The following ADAMTS2 variants were observed in gnomAD, a reference collection of about 807,000 sequenced individuals.
The protein encoded by ADAMTS2 is A disintegrin and metalloproteinase with thrombospondin motifs 2.
ADAMTS2 carries 50 observed loss-of-function variants against 123.0 expected under a neutral mutation model. The observed-to-expected ratio is 0.41, with a 90% CI of 0.32 to 0.51. The LOEUF is 0.51. Ranked by LOEUF, ADAMTS2 falls within the 20% of genes least tolerant of loss-of-function variation. ADAMTS2 has a pLI of 0.35. For missense variants in ADAMTS2, 1,494 were observed against 1,705.2 expected (o/e 0.88, Z 2.18); for synonymous variants, 678 against 695.4 (o/e 0.98, Z 0.39).
At chr5:179,219,553 T>C (rs1352917403) in intron 3 of ADAMTS2, among the ~76,000 whole-genome samples, 1 of 152,212 alleles carries the variant, frequency 6.6e-6, no homozygotes, top group Non-Finnish European at 1.5e-5. Context: ...TTAAGGTCTA[T>C]GACCAGAAAA....
At chr5:179,151,170 A>G in intron 10 of ADAMTS2, 1 of 347,618 alleles carries the variant, frequency 2.9e-6, no homozygotes, top group Non-Finnish European at 6.0e-6. Flanking sequence ...GTGCTGGGAT[A>G]ACAGGCATGA....
At chr5:179,157,770 T>C (rs1430182177) in intron 6 of ADAMTS2, among the ~76,000 whole-genome samples, 1 of 152,258 alleles carries the variant, frequency 6.6e-6, no homozygotes, top group Admixed American at 6.5e-5. Context: ...GATAAGAGTC[T>C]CCTGCCCATT....
intron 2 of ADAMTS2, among the ~76,000 whole-genome samples, chr5:179,293,912 G>A (rs774464861): frequency 6.6e-6 from 1 of 151,906 alleles, no homozygotes; most frequent in African/African-American, 2.4e-5. Flanking sequence ...GTGAGCCACC[G>A]CACCTGGCCA....
rs768623482 is a variant in ADAMTS2, at chr5:179,154,883, C to T, written c.1169G>A (p.Arg390His). 5.6e-6 allele frequency: 9 copies of T among 1,613,674 alleles called. No individual in the cohort carries two copies. The highest frequency in any genetic ancestry group is 6.8e-6 in the Non-Finnish European group (8 of 1,179,924). The change falls in exon 7 of 22, where the codon CGC becomes CAC. Residue 390 changes from arginine (R) to histidine (H), a missense_variant. Transcript: ENST00000251582. Reference protein sequence around the residue: ...APVTGMCHPVRSCTLNHEDGF... With the variant: ...APVTGMCHPVHSCTLNHEDGF... The stretch of plus-strand genomic sequence containing the variant: ...GTCCTCATGGTTCAGGGTGCAGCTG[C>T]GGACCGGATGGCACATGCCGGTGAC...
At chr5:179,177,057 GTTT>G (rs1307153636) in intron 5 of ADAMTS2, among the ~76,000 whole-genome samples, 1 of 152,230 alleles carries the variant, frequency 6.6e-6, no homozygotes, top group African/African-American at 2.4e-5. Flanking sequence ...TGGTACAATT[GTTT>G]CCTTGTCTAG....
intron 2 of ADAMTS2, among the ~76,000 whole-genome samples, chr5:179,295,024 C>T (rs904710826): frequency 6.6e-6 from 1 of 152,180 alleles, no homozygotes; most frequent in Admixed American, 6.5e-5. Flanking sequence ...CCACTGGCCG[C>T]ATGGATCATT....
At position 179,260,566 on chromosome 5, in the gene ADAMTS2, G is replaced by A. The variant is rs984145485; in HGVS notation, c.688+12345C>T. ...GCCCAGGCTCTGAGCGGGGACAGGA[G>A]GGCACTGCACTGGGTGTCAGCAGCC... On this transcript the variant is annotated intron_variant, in intron 3 of 21. Transcript: ENST00000251582. This position sits in a 1 kb window ranked among gnomAD's most constrained non-coding sequence, Gnocchi z 4.2. 6.6e-6 allele frequency among the ~76,000 whole-genome samples: 1 copy of A among 152,136 alleles called. No homozygotes were observed. The highest frequency in any genetic ancestry group is 2.4e-5 in the African/African-American group (1 of 41,408).
At chr5:179,136,784 C>T (rs1223834358) in intron 12 of ADAMTS2, among the ~76,000 whole-genome samples, 1 of 150,968 alleles carries the variant, frequency 6.6e-6, no homozygotes, top group African/African-American at 2.4e-5. Flanking sequence ...TCCTGGCTAA[C>T]ATGGTGAAAC....
chr5:179,318,204 T>C (rs529699906), intron 2 of ADAMTS2, among the ~76,000 whole-genome samples: 2 of 152,350 alleles, frequency 1.3e-5, no homozygotes, highest in South Asian at 4.1e-4. Flanking sequence ...AAGGGTCATT[T>C]ATCTCAGAGC....
At chr5:179,316,938 C>CA (rs1465016899) in intron 2 of ADAMTS2, among the ~76,000 whole-genome samples, 1 of 149,996 alleles carries the variant, frequency 6.7e-6, no homozygotes, top group South Asian at 2.1e-4. Context: ...GACCCTGTCT[C>CA]AAAAAAAGGA....
At chr5:179,286,653 G>A (rs944729522) in intron 2 of ADAMTS2, among the ~76,000 whole-genome samples, 1 of 152,130 alleles carries the variant, frequency 6.6e-6, no homozygotes, top group African/African-American at 2.4e-5. Context: ...CAGGTAGACT[G>A]CCAGCACCCC....
At chr5:179,177,044 C>T (rs1306001880) in intron 5 of ADAMTS2, among the ~76,000 whole-genome samples, 3 of 152,218 alleles carry the variant, frequency 2.0e-5, no homozygotes, top group Non-Finnish European at 4.4e-5. Flanking sequence ...CAGCCCTGAG[C>T]CCTGGTACAA....
At chr5:179,212,148 G>A (rs652766) in intron 3 of ADAMTS2, among the ~76,000 whole-genome samples, 35,141 of 146,760 alleles carry the variant, frequency 0.24, 4,552 homozygotes, top group Admixed American at 0.26. Context: ...GACTGAGTCT[G>A]CAACCTCGGG....
At chr5:179,165,835 G>A (rs946288981) in intron 5 of ADAMTS2, among the ~76,000 whole-genome samples, 1 of 152,222 alleles carries the variant, frequency 6.6e-6, no homozygotes, top group Non-Finnish European at 1.5e-5. Context: ...GGAGAAGCCT[G>A]CAGTAGGGCT....
intron 3 of ADAMTS2, among the ~76,000 whole-genome samples, chr5:179,258,273 C>T (rs1210144092): frequency 6.6e-6 from 1 of 152,104 alleles, no homozygotes; most frequent in Admixed American, 6.5e-5. Context: ...CCAGACCGCC[C>T]CCCGCCAACC....
chr5:179,148,818 C>T (rs1437669147), intron 10 of ADAMTS2, among the ~76,000 whole-genome samples: 1 of 152,154 alleles, frequency 6.6e-6, no homozygotes, highest in Non-Finnish European at 1.5e-5. Context: ...CTGCAGAGGC[C>T]GCCACTCTGG....
At chr5:179,156,809 G>A (rs1763480484) in intron 6 of ADAMTS2, among the ~76,000 whole-genome samples, 1 of 151,910 alleles carries the variant, frequency 6.6e-6, no homozygotes, top group Admixed American at 6.6e-5. Flanking sequence ...TGCTTTTCTT[G>A]TCTCTAAATT....
chr5:179,292,335 T>C (rs1288171976), intron 2 of ADAMTS2, among the ~76,000 whole-genome samples: 1 of 118,072 alleles, frequency 8.5e-6, no homozygotes, highest in Non-Finnish European at 1.9e-5. Context: ...GCTTTGCTAT[T>C]ACCCCCCAGC....
Position 179,197,816 on chromosome 5 carries a change from C to G in ADAMTS2, c.891+9697G>C, listed in dbSNP as rs1764461963. Among the ~76,000 whole-genome samples, 1 of 152,350 alleles carries G rather than the reference C, an allele frequency of 6.6e-6. No individual in the cohort carries two copies. Among genetic ancestry groups the G allele is most frequent in the African/African-American group, 2.4e-5 (1 of 41,578 alleles). The stretch of plus-strand genomic sequence containing the variant: ...CCTGAGCCTGCAGAAGAGTCCCTGT[C>G]TGTACCTGGGGACGAAACTTGAGGT... On this transcript the variant is annotated intron_variant, in intron 4 of 21. Coordinates refer to ENST00000251582, the MANE Select transcript of ADAMTS2 (RefSeq NM_014244.5). This position sits in a 1 kb window ranked among gnomAD's most constrained non-coding sequence, Gnocchi z 4.2.
Sources: allele counts gnomAD v4.1 joint callset (sites outside exome capture counted in the v4.1 genomes callset), GRCh38; gene constraint gnomAD v4.1.1; non-coding constraint Gnocchi (gnomAD v3.1); transcripts MANE v1.5; gene names NCBI Gene and HGNC (gene_info 2026-07-23, HGNC 2026-07-21).